Variants in TRPC1 observed in about 807,000 individuals in gnomAD.
TRPC1 encodes transient receptor potential cation channel subfamily C member 1.
TRPC1 carries 42 observed loss-of-function variants against 88.2 expected under a neutral mutation model. That is an observed-to-expected ratio of 0.48 (90% CI 0.37 to 0.62). The LOEUF is 0.62. Among genes scored for constraint, TRPC1 ranks in the 20% least tolerant of loss-of-function variants. TRPC1 has a pLI of 0.00. For missense variants in TRPC1, 699 were observed against 957.3 expected, an observed-to-expected ratio of 0.73 and a Z score of 3.56; for synonymous variants, 288 against 331.8, an observed-to-expected ratio of 0.87 and a Z score of 1.43.
intron 12 of TRPC1, among the ~76,000 whole-genome samples, chr3:142,805,575 G>A (rs910420130): frequency 6.6e-6 from 1 of 151,960 alleles, no homozygotes; most frequent in African/African-American, 2.4e-5. Flanking sequence ...TTTAAATATA[G>A]GTCTACTAGT....
chr3:142,761,778 A>G (rs1207964169), intron 4 of TRPC1, among the ~76,000 whole-genome samples: 1 of 151,904 alleles, frequency 6.6e-6, no homozygotes, highest in Non-Finnish European at 1.5e-5. Context: ...GAGGTTTTCT[A>G]TTTCTTCATG....
At chr3:142,784,639 C>T in intron 6 of TRPC1, 65 bp from the exon 7 acceptor site, 1 of 1,223,446 alleles carries the variant, frequency 8.2e-7, no homozygotes, top group South Asian at 1.5e-5. Flanking sequence ...GAATATCAAC[C>T]AATCAGTATT....
Position 142,806,042 on chromosome 3 carries a change from A to G in TRPC1, c.2189A>G (p.Asn730Ser), listed in dbSNP as rs1383163358. 6 of 1,613,810 alleles carry G rather than the reference A, an allele frequency of 3.7e-6. No homozygotes were observed. The South Asian group carries it at 5.5e-5, about 15-fold the overall frequency. ...WRNLKQKRDE[N>S]YQKVMCCLVH... ...AATTTGAAACAGAAGAGAGATGAAA[A>G]CTATCAAAAAGTGATGTGCTGCCTA... Residue 730 changes from asparagine to serine, a missense_variant, in exon 13 of 13, where the codon AAC becomes AGC. Around this residue, in one of 4 missense-constraint regions of TRPC1, gnomAD observed 105 missense variants for 141.7 expected, o/e 0.74. Coordinates refer to ENST00000476941, the MANE Select transcript of TRPC1 (RefSeq NM_001251845.2).
At chr3:142,749,103 A>C (rs1231864768) in intron 4 of TRPC1, among the ~76,000 whole-genome samples, 1 of 152,178 alleles carries the variant, frequency 6.6e-6, no homozygotes, top group East Asian at 1.9e-4. Context: ...ATTTTGGTTC[A>C]AAAACAGTTC....
chr3:142,754,186 A>G (rs971774762), intron 4 of TRPC1, among the ~76,000 whole-genome samples: 4 of 152,054 alleles, frequency 2.6e-5, no homozygotes, highest in Non-Finnish European at 5.9e-5. Flanking sequence ...GGGCCAGGGA[A>G]GGGTAGTAAA....
rs1462625735 is a variant in TRPC1 at position 142,767,579 on chromosome 3, TAA to T, written c.633-10051_633-10050del. ...ATCTTTGTTAAGATATCTTTATATATAAATATATTATATATAAATAAATTATA... is the reference window on the plus strand; with the variant it reads ...ATCTTTGTTAAGATATCTTTATATATATATATTATATATAAATAAATTATA... On this transcript the variant is annotated intron_variant, in intron 4 of 12. Coordinates refer to ENST00000476941, the MANE Select transcript of TRPC1 (RefSeq NM_001251845.2). This position sits in a 1 kb window ranked among gnomAD's most constrained non-coding sequence, Gnocchi z 5.1. Among the ~76,000 whole-genome samples, 1 of 148,078 alleles carries T rather than the reference TAA, an allele frequency of 6.8e-6. No homozygotes were observed. Among genetic ancestry groups the T allele is most frequent in the Non-Finnish European group, 1.5e-5 (1 of 67,126 alleles).
intron 1 of TRPC1, among the ~76,000 whole-genome samples, chr3:142,728,999 T>C (rs1489205095): frequency 6.6e-6 from 1 of 152,190 alleles, no homozygotes; most frequent in Non-Finnish European, 1.5e-5. Flanking sequence ...CAGCATTCTA[T>C]AAACACTTCA....
intron 2 of TRPC1, among the ~76,000 whole-genome samples, chr3:142,739,883 C>T (rs1330652741): frequency 6.6e-6 from 1 of 152,146 alleles, no homozygotes; most frequent in African/African-American, 2.4e-5. Flanking sequence ...GATATGAGTC[C>T]ATGGCCTATA....
At chr3:142,803,956 G>A (rs374275582) in intron 10 of TRPC1, 21 bp from the exon 11 acceptor site, 2 of 1,605,906 alleles carry the variant, frequency 1.2e-6, no homozygotes, top group African/African-American at 1.3e-5. Context: ...CTTTTAAACA[G>A]AAATGCAATT....
chr3:142,806,748 TTATA>T lies in TRPC1; in HGVS notation c.*514_*517del, dbSNP rs1024066667. On this transcript the variant is annotated 3_prime_UTR_variant, in exon 13 of 13. Transcript: ENST00000476941. Reference sequence around the variant, plus strand: ...AGTCTATTTTTTCTTTTGTATTTTGTTATAATCTTAAGCAACAAAGAAAAAACCC... The same window carrying T: ...AGTCTATTTTTTCTTTTGTATTTTGTATCTTAAGCAACAAAGAAAAAACCC... 1 of 152,100 alleles carries T rather than the reference TTATA, an allele frequency of 6.6e-6. No individual in the cohort carries two copies. The highest frequency in any genetic ancestry group is 2.4e-5 in the African/African-American group (1 of 41,468). The allele number at this position is 152,100 out of a possible 1,614,324, so 9.4% of individuals were successfully genotyped here. A position where few individuals can be genotyped will look rare whatever the true frequency, so the allele number is the denominator to read the frequency against.
chr3:142,802,245 T>G lies in TRPC1; in HGVS notation c.1658T>G (p.Ile553Ser). The change falls in exon 10 of 13, where the codon ATT becomes AGT. Residue 553 changes from isoleucine to serine, a missense_variant. Physicochemically the swap from Ile to Ser is moderately radical, Grantham distance 142. Coordinates refer to ENST00000476941, the MANE Select transcript of TRPC1 (RefSeq NM_001251845.2). Reference protein sequence around the residue: ...MFLLVLFSFTIGLTQLYDKGY... With the variant: ...MFLLVLFSFTSGLTQLYDKGY... ...CTTCTTGTTTTGTTTTCTTTCACAA[T>G]TGGACTGACACAACTGTATGATAAA... is the stretch of plus-strand genomic sequence containing the variant. 1 of 1,600,542 alleles carries G rather than the reference T, an allele frequency of 6.2e-7. No individual in the cohort carries two copies. The highest frequency in any genetic ancestry group is 8.5e-7 in the Non-Finnish European group (1 of 1,174,594).
intron 7 of TRPC1, among the ~76,000 whole-genome samples, chr3:142,787,324 T>G (rs1371639665): frequency 6.6e-6 from 1 of 152,206 alleles, no homozygotes; most frequent in Non-Finnish European, 1.5e-5. Flanking sequence ...CATGGAGGAA[T>G]ATTTTGCTTG....
At chr3:142,755,274 T>C (rs1335745704) in intron 4 of TRPC1, among the ~76,000 whole-genome samples, 1 of 151,424 alleles carries the variant, frequency 6.6e-6, no homozygotes, top group East Asian at 1.9e-4. Flanking sequence ...AATACAAAAA[T>C]ATTAGCCGGG....
intron 4 of TRPC1, among the ~76,000 whole-genome samples, chr3:142,763,959 A>AATATATATATATATATAAATAT (rs1935280131): frequency 1.3e-5 from 1 of 76,316 alleles, no homozygotes; most frequent in Admixed American, 1.2e-4. Context: ...AAAAAAAAGA[A>AATATATATATATATATAAATAT]ATATATATAT....
At chr3:142,798,071 C>T (rs1425947727) in intron 9 of TRPC1, among the ~76,000 whole-genome samples, 2 of 151,964 alleles carry the variant, frequency 1.3e-5, no homozygotes, top group African/African-American at 4.8e-5. Flanking sequence ...TGCAGAATCA[C>T]CTGGGGAGCA....
At position 142,724,502 on chromosome 3, in the gene TRPC1, G is replaced by A. The variant is rs1933572547; in HGVS notation, c.-58G>A. On this transcript the variant is annotated 5_prime_UTR_variant, in exon 1 of 13. Transcript: ENST00000476941. The surrounding 1 kb of genome is among the most constrained non-coding windows in gnomAD (Gnocchi z 5.6). Reference sequence around the variant, plus strand: ...GGGCGTGGCTGGGGTCGGGGTCGGGGTCGGGGCCGGTGGGGGCCCCGCCCC... The same window carrying A: ...GGGCGTGGCTGGGGTCGGGGTCGGGATCGGGGCCGGTGGGGGCCCCGCCCC... 1.3e-5 allele frequency: 19 copies of A among 1,454,950 alleles called. No individual in the cohort carries two copies. In the South Asian group the frequency reaches 1.7e-4, roughly 13 times the overall value. 90.1% of individuals were successfully genotyped at this position (1,454,950 alleles called of 1,614,324 possible).
intron 4 of TRPC1, among the ~76,000 whole-genome samples, chr3:142,775,193 A>G (rs761065142): frequency 1.3e-5 from 2 of 152,202 alleles, no homozygotes; most frequent in African/African-American, 4.8e-5. Context: ...AAAATGCATT[A>G]TATGGGATTA....
rs147241432 is a variant in TRPC1, at chr3:142,734,848, C to T, written c.173-1531C>T. ...AGAATAAATAAAAAATTACTTTTCA[C>T]CTGGACACATCACGATAACAAAGTA... is the stretch of plus-strand genomic sequence containing the variant. On this transcript the variant is annotated intron_variant, in intron 1 of 12. Coordinates refer to ENST00000476941, the MANE Select transcript of TRPC1 (RefSeq NM_001251845.2). 4.1e-3 allele frequency among the ~76,000 whole-genome samples: 628 copies of T among 152,208 alleles called. 4 individuals carry two copies. Among genetic ancestry groups the T allele is most frequent in the African/African-American group, 0.014 (587 of 41,536 alleles).
chr3:142,741,390 A>G (rs1426657476), intron 2 of TRPC1, among the ~76,000 whole-genome samples: 5 of 152,016 alleles, frequency 3.3e-5, no homozygotes, highest in Non-Finnish European at 7.4e-5. Flanking sequence ...TTACTAAGTA[A>G]TGTATCTGAA....
Sources: allele counts gnomAD v4.1 joint callset (sites outside exome capture counted in the v4.1 genomes callset), GRCh38; gene constraint gnomAD v4.1.1; regional missense constraint gnomAD v4.1.1; non-coding constraint Gnocchi (gnomAD v3.1); transcripts MANE v1.5; gene names NCBI Gene and HGNC (gene_info 2026-07-23, HGNC 2026-07-21).